ASXL3: variants seen among roughly 807,000 people sequenced by gnomAD.
The protein encoded by ASXL3 is ASXL transcriptional regulator 3.
In ASXL3, 34 loss-of-function variants were observed where a neutral mutation model predicts 170.6. The ratio of observed to expected loss-of-function variants is 0.20; its 90% CI spans 0.15 to 0.27. The LOEUF (loss-of-function observed/expected upper bound fraction) is 0.27. ASXL3 is among the 10% of genes least tolerant of loss of function. The probability of loss-of-function intolerance (pLI) is 1.00; values close to 1 mark genes in which losing one functional copy is unlikely to be tolerated. For synonymous variants in ASXL3, 1,002 were observed against 989.1 expected (o/e 1.01, Z -0.24); for missense variants, 2,592 against 2,695.3 (o/e 0.96, Z 0.85).
chr18:33,719,208 T>A (rs1436095083), intron 8 of ASXL3, among the ~76,000 whole-genome samples: 1 of 152,032 alleles, frequency 6.6e-6, no homozygotes, highest in Non-Finnish European at 1.5e-5. Flanking sequence ...ATAACAAGGT[T>A]CCTTACCTCC....
At chr18:33,700,544 G>A (rs567154002) in intron 8 of ASXL3, among the ~76,000 whole-genome samples, 23 of 152,128 alleles carry the variant, frequency 1.5e-4, no homozygotes, top group African/African-American at 4.8e-4. Flanking sequence ...AGCTTGAGCA[G>A]AAGAGAATGA....
chr18:33,720,906 G>T (rs907151485), intron 8 of ASXL3, among the ~76,000 whole-genome samples: 1 of 152,046 alleles, frequency 6.6e-6, no homozygotes, highest in African/African-American at 2.4e-5. Context: ...AATAATTATT[G>T]TTTTAACTAA....
chr18:33,699,028 A>G (rs1286367212), intron 8 of ASXL3, among the ~76,000 whole-genome samples: 5 of 152,190 alleles, frequency 3.3e-5, no homozygotes, highest in Non-Finnish European at 7.3e-5. Context: ...CAATAAAACT[A>G]AGACTTGAAG....
At chr18:33,688,907 G>A (rs969439966) in intron 8 of ASXL3, among the ~76,000 whole-genome samples, 2 of 152,186 alleles carry the variant, frequency 1.3e-5, no homozygotes, top group Admixed American at 1.3e-4. Flanking sequence ...TTTAGAAAAT[G>A]TGAAGGCATA....
chr18:33,677,323 A>G (rs1306582360), intron 7 of ASXL3, among the ~76,000 whole-genome samples: 1 of 152,218 alleles, frequency 6.6e-6, no homozygotes, highest in African/African-American at 2.4e-5. Flanking sequence ...GTGCATTATA[A>G]ACATTATTTG....
At position 33,643,590 on chromosome 18, in the gene ASXL3, T is replaced by C. The variant is rs748938761; in HGVS notation, c.138-1304T>C. 9.2e-5 allele frequency among the ~76,000 whole-genome samples: 14 copies of C among 152,032 alleles called. No homozygotes were observed. In the South Asian group the frequency reaches 2.9e-3, roughly 31 times the overall value. On this transcript the variant is annotated intron_variant, in intron 2 of 11. Transcript: ENST00000269197. ...TTTGTAGGATGATAATACTTATAAA[T>C]CCTTATGACCATGATGTATATATAT...
chr18:33,695,620 C>G, intron 8 of ASXL3, among the ~76,000 whole-genome samples: 1 of 152,106 alleles, frequency 6.6e-6, no homozygotes, highest in East Asian at 1.9e-4. Flanking sequence ...TACAGATTTT[C>G]AAGTAATTGC....
At chr18:33,687,814 T>TA (rs2066621260) in intron 8 of ASXL3, among the ~76,000 whole-genome samples, 1 of 152,188 alleles carries the variant, frequency 6.6e-6, no homozygotes. Context: ...ATACTGCAAG[T>TA]AAAAGAAAGT....
At chr18:33,702,335 A>G (rs1007860561) in intron 8 of ASXL3, among the ~76,000 whole-genome samples, 4 of 151,944 alleles carry the variant, frequency 2.6e-5, no homozygotes, top group Non-Finnish European at 5.9e-5. Flanking sequence ...GTTATATCTT[A>G]TAGCATCCAT....
chr18:33,690,908 C>T (rs989513704), intron 8 of ASXL3, among the ~76,000 whole-genome samples: 5 of 152,126 alleles, frequency 3.3e-5, no homozygotes, highest in African/African-American at 1.2e-4. Context: ...CAGGTGCCCT[C>T]CTCACCATGG....
At chr18:33,674,208 A>T (rs2066390627) in intron 7 of ASXL3, among the ~76,000 whole-genome samples, 1 of 152,198 alleles carries the variant, frequency 6.6e-6, no homozygotes, top group Admixed American at 6.5e-5. Context: ...CTGAATGTCA[A>T]ATCATCTAAC....
chr18:33,701,405 C>T (rs2066872058), intron 8 of ASXL3, among the ~76,000 whole-genome samples: 1 of 152,004 alleles, frequency 6.6e-6, no homozygotes, highest in Non-Finnish European at 1.5e-5. Flanking sequence ...TTAACAATAC[C>T]AAGTCCTCTG....
At chr18:33,729,977 C>A (rs1460713730) in intron 8 of ASXL3, among the ~76,000 whole-genome samples, 1 of 152,100 alleles carries the variant, frequency 6.6e-6, no homozygotes, top group African/African-American at 2.4e-5. Context: ...GATTGATTAT[C>A]CTATCTGTCT....
chr18:33,713,346 C>CCCCCG (rs2067111579), intron 8 of ASXL3, among the ~76,000 whole-genome samples: 1 of 133,730 alleles, frequency 7.5e-6, no homozygotes, highest in Non-Finnish European at 1.6e-5. Context: ...CCTCCACCCC[C>CCCCCG]CCCCGGGTTC....
intron 7 of ASXL3, among the ~76,000 whole-genome samples, chr18:33,672,374 G>T (rs888020134): frequency 6.6e-6 from 1 of 152,142 alleles, no homozygotes; most frequent in African/African-American, 2.4e-5. Context: ...GCTGAGAAAT[G>T]TTGGAGACAC....
At chr18:33,599,161 A>G (rs1240535334) in intron 1 of ASXL3, among the ~76,000 whole-genome samples, 1 of 152,168 alleles carries the variant, frequency 6.6e-6, no homozygotes, top group Admixed American at 6.5e-5. Flanking sequence ...GCGGAAGATC[A>G]TATCCCTGGA....
intron 1 of ASXL3, among the ~76,000 whole-genome samples, chr18:33,598,533 G>A (rs1240719793): frequency 2.0e-5 from 3 of 152,180 alleles, no homozygotes; most frequent in East Asian, 1.9e-4. Flanking sequence ...GTTAACTAAT[G>A]TCTGCCTCTA....
At chr18:33,675,593 T>G (rs2066412480) in intron 7 of ASXL3, among the ~76,000 whole-genome samples, 1 of 152,208 alleles carries the variant, frequency 6.6e-6, no homozygotes, top group African/African-American at 2.4e-5. Context: ...TTGTGATATT[T>G]TCCTAAAAGG....
intron 7 of ASXL3, among the ~76,000 whole-genome samples, chr18:33,676,392 T>C (rs889902090): frequency 6.6e-6 from 1 of 152,074 alleles, no homozygotes; most frequent in Non-Finnish European, 1.5e-5. Context: ...ATGAAAACTA[T>C]GATGATATTT....
Sources: gnomAD v4.1 joint callset for allele counts (sites outside exome capture counted in the v4.1 genomes callset) on GRCh38, gnomAD v4.1.1 for gene constraint, MANE v1.5 for transcripts, NCBI Gene and HGNC (gene_info 2026-07-23, HGNC 2026-07-21) for gene names.